Variants in CDH18 observed in about 807,000 individuals in gnomAD.
The protein encoded by CDH18 is cadherin 18.
Under a neutral mutation model 67.9 loss-of-function variants are expected in CDH18, and 31 were observed. That is an observed-to-expected ratio of 0.46 (90% CI 0.34 to 0.62). The LOEUF is 0.62. Among genes scored for constraint, CDH18 ranks in the 20% least tolerant of loss-of-function variants. The pLI, the probability that CDH18 is intolerant of heterozygous loss-of-function variation, is 0.01. For synonymous variants in CDH18, 362 were observed against 347.2 expected, an observed-to-expected ratio of 1.04 and a Z score of -0.48; for missense variants, 890 against 975.5, an observed-to-expected ratio of 0.91 and a Z score of 1.17.
chr5:19,931,918 CT>C (rs1403713005), intron 2 of CDH18, among the ~76,000 whole-genome samples: 1 of 151,668 alleles, frequency 6.6e-6, no homozygotes. Flanking sequence ...TCATTTTCCC[CT>C]TTTCCTCCCA....
intron 2 of CDH18, among the ~76,000 whole-genome samples, chr5:20,242,770 G>A (rs1260071197): frequency 1.3e-5 from 2 of 151,006 alleles, no homozygotes; most frequent in African/African-American, 4.9e-5. Flanking sequence ...AAAATCCACT[G>A]AAGCTGCGTA....
chr5:19,700,892 A>T (rs1411144103), intron 5 of CDH18, among the ~76,000 whole-genome samples: 1 of 152,150 alleles, frequency 6.6e-6, no homozygotes, highest in Non-Finnish European at 1.5e-5. Flanking sequence ...GGAAATAGAA[A>T]TTTTGTTAGA....
At chr5:20,232,286 A>T (rs1226566214) in intron 2 of CDH18, among the ~76,000 whole-genome samples, 1 of 152,048 alleles carries the variant, frequency 6.6e-6, no homozygotes, top group Non-Finnish European at 1.5e-5. Flanking sequence ...AATGATCTAT[A>T]TGTTTCATTA....
intron 2 of CDH18, among the ~76,000 whole-genome samples, chr5:20,088,908 G>T (rs1020063909): frequency 6.6e-6 from 1 of 152,030 alleles, no homozygotes; most frequent in African/African-American, 2.4e-5. Flanking sequence ...CTTTCAGAAC[G>T]ATGGAAAGGG....
intron 1 of CDH18, among the ~76,000 whole-genome samples, chr5:20,540,226 C>A (rs922239281): frequency 6.6e-6 from 1 of 152,094 alleles, no homozygotes; most frequent in African/African-American, 2.4e-5. Context: ...ATTGTACTTA[C>A]CCTATAGTTT....
intron 2 of CDH18, among the ~76,000 whole-genome samples, chr5:20,184,093 A>G (rs1278332690): frequency 6.6e-6 from 1 of 152,116 alleles, no homozygotes; most frequent in African/African-American, 2.4e-5. Context: ...TAATGCTATG[A>G]AAGTTATTGA....
intron 1 of CDH18, among the ~76,000 whole-genome samples, chr5:20,420,889 T>C (rs561581694): frequency 6.6e-6 from 1 of 151,434 alleles, no homozygotes; most frequent in African/African-American, 2.5e-5. Flanking sequence ...TCATTGATTT[T>C]GCATAGTTAC....
intron 4 of CDH18, among the ~76,000 whole-genome samples, chr5:19,740,840 T>C (rs972798672): frequency 3.3e-5 from 5 of 152,076 alleles, no homozygotes; most frequent in Non-Finnish European, 5.9e-5. Context: ...AGGCATGTAA[T>C]GTAACTATAG....
At chr5:20,377,400 A>G (rs578154818) in intron 1 of CDH18, among the ~76,000 whole-genome samples, 20 of 151,992 alleles carry the variant, frequency 1.3e-4, no homozygotes, top group African/African-American at 4.6e-4. Flanking sequence ...GAGAATCATC[A>G]TTGTTTGAAT....
At chr5:19,653,251 G>C (rs914877630) in intron 5 of CDH18, among the ~76,000 whole-genome samples, 3 of 152,038 alleles carry the variant, frequency 2.0e-5, no homozygotes, top group Non-Finnish European at 4.4e-5. Flanking sequence ...TCATTGCATA[G>C]CAACAATCGA....
intron 1 of CDH18, among the ~76,000 whole-genome samples, chr5:20,394,219 C>T (rs547788240): frequency 8.6e-5 from 13 of 150,948 alleles, no homozygotes; most frequent in Admixed American, 2.0e-4. Context: ...GATACACACA[C>T]CAGTGGAAGA....
chr5:20,257,312 T>C (rs1044637710), intron 1 of CDH18, among the ~76,000 whole-genome samples: 4 of 152,194 alleles, frequency 2.6e-5, no homozygotes, highest in Non-Finnish European at 5.9e-5. Context: ...AGATTTCCAA[T>C]AAATAATTTT....
At chr5:20,403,391 G>A (rs571329880) in intron 1 of CDH18, among the ~76,000 whole-genome samples, 4 of 152,200 alleles carry the variant, frequency 2.6e-5, no homozygotes, top group African/African-American at 9.6e-5. Context: ...CAGATCGTGA[G>A]CACAGTATCT....
intron 1 of CDH18, among the ~76,000 whole-genome samples, chr5:20,352,441 T>C (rs1443814181): frequency 6.6e-6 from 1 of 152,032 alleles, no homozygotes; most frequent in South Asian, 2.1e-4. Context: ...TGTTGAAAGG[T>C]CTACTATGAT....
rs772921694 is a variant in CDH18, at chr5:20,302,347, A to T, written c.-579-46842T>A. On this transcript the variant is annotated intron_variant, in intron 1 of 14. Transcript: ENST00000507958. ...TATTAACAGCATCAGCCACTTGCTTACTATGAATCATCTGCAACAAAACCC... is the reference window on the plus strand; with the variant it reads ...TATTAACAGCATCAGCCACTTGCTTTCTATGAATCATCTGCAACAAAACCC... Among the ~76,000 whole-genome samples the T allele has an allele frequency of 2.2e-4, 33 of 152,188 alleles. 1 individual carries two copies. The highest frequency in any genetic ancestry group is 1.2e-4 in the Non-Finnish European group (8 of 68,042).
chr5:19,586,404 T>G (rs1744146818), intron 7 of CDH18, among the ~76,000 whole-genome samples: 1 of 152,080 alleles, frequency 6.6e-6, no homozygotes, highest in Admixed American at 6.6e-5. Flanking sequence ...GTTAACCCTA[T>G]GTGTCCATGT....
chr5:20,047,450 G>A (rs915244109), intron 2 of CDH18, among the ~76,000 whole-genome samples: 6 of 151,812 alleles, frequency 4.0e-5, no homozygotes, highest in Non-Finnish European at 7.4e-5. Flanking sequence ...GAAATGCTTA[G>A]GGAATCTTTG....
In CDH18 at chr5:20,334,791, C is replaced by CACAA. The variant is rs1319501854; in HGVS notation, c.-579-79287_-579-79286insTTGT. 1.6e-3 allele frequency among the ~76,000 whole-genome samples: 245 copies of CACAA among 149,238 alleles called. 1 individual carries two copies. The highest frequency in any genetic ancestry group is 5.9e-3 in the African/African-American group (235 of 39,614). The stretch of plus-strand genomic sequence containing the variant: ...ACACACACACACACACACACACACA[C>CACAA]AAATGGCTTCTCCACCTCAATAAAG... On this transcript the variant is annotated intron_variant, in intron 1 of 14. Transcript: ENST00000507958.
At chr5:20,047,771 T>G (rs771392882) in intron 2 of CDH18, among the ~76,000 whole-genome samples, 1 of 151,788 alleles carries the variant, frequency 6.6e-6, no homozygotes, top group Non-Finnish European at 1.5e-5. Flanking sequence ...TGTTTCCACG[T>G]ATACTTCTAA....
Sources: gnomAD v4.1 joint callset for allele counts (sites outside exome capture counted in the v4.1 genomes callset) on GRCh38, gnomAD v4.1.1 for gene constraint, MANE v1.5 for transcripts, NCBI Gene and HGNC (gene_info 2026-07-23, HGNC 2026-07-21) for gene names.